Variants in NRG1 observed in about 807,000 individuals in gnomAD.
NRG1 encodes pro-neuregulin-1, membrane-bound isoform.
A neutral mutation model predicts 63.8 loss-of-function variants in NRG1; 18 were observed. That is an observed-to-expected ratio of 0.28 (90% CI 0.19 to 0.42). The LOEUF (loss-of-function observed/expected upper bound fraction) is 0.42. Among genes scored for constraint, NRG1 ranks in the 10% least tolerant of loss-of-function variants. The pLI, the probability that NRG1 is intolerant of heterozygous loss-of-function variation, is 1.00. For missense variants in NRG1, 762 were observed against 814.7 expected, an observed-to-expected ratio of 0.94 and a Z score of 0.79; for synonymous variants, 302 against 301.3, an observed-to-expected ratio of 1.00 and a Z score of -0.02.
At chr8:32,330,807 G>A (rs1225728476) in intron 1 of NRG1, among the ~76,000 whole-genome samples, 1 of 152,308 alleles carries the variant, frequency 6.6e-6, no homozygotes, top group East Asian at 1.9e-4. Flanking sequence ...CATATTCACA[G>A]CGTCGTTTTC....
chr8:32,647,185 C>T (rs563106422), intron 5 of NRG1: 6 of 985,384 alleles, frequency 6.1e-6, no homozygotes, highest in African/African-American at 5.2e-5. Context: ...CAGCCGTCGT[C>T]GCGTTAACAC....
At chr8:32,575,670 GA>G in intron 1 of NRG1, among the ~76,000 whole-genome samples, 1 of 152,322 alleles carries the variant, frequency 6.6e-6, no homozygotes, top group Non-Finnish European at 1.5e-5. Flanking sequence ...TATAAAGTAG[GA>G]AATTTTGAGA....
chr8:31,869,313 G>A (rs988645405), intron 1 of NRG1, among the ~76,000 whole-genome samples: 1 of 152,136 alleles, frequency 6.6e-6, no homozygotes, highest in African/African-American at 2.4e-5. Context: ...TAGACTCACT[G>A]CATAGATCTT....
At chr8:32,055,013 G>A (rs1227217290) in intron 1 of NRG1, among the ~76,000 whole-genome samples, 30 of 150,750 alleles carry the variant, frequency 2.0e-4, no homozygotes, top group Admixed American at 1.7e-3. Flanking sequence ...TCAACCTCCC[G>A]AGTTGCTGGG....
intron 5 of NRG1, among the ~76,000 whole-genome samples, chr8:32,630,012 G>C (rs1244687386): frequency 6.6e-6 from 1 of 152,166 alleles, no homozygotes; most frequent in Non-Finnish European, 1.5e-5. Context: ...TGTAGATGTA[G>C]AGACTGATAC....
chr8:32,575,441 G>A (rs1341686757), intron 1 of NRG1, among the ~76,000 whole-genome samples: 1 of 152,066 alleles, frequency 6.6e-6, no homozygotes, highest in African/African-American at 2.4e-5. Context: ...ATGGGAAAGT[G>A]GGGGTGGGTG....
At chr8:32,489,481 G>T (rs1826290693) in intron 1 of NRG1, among the ~76,000 whole-genome samples, 1 of 152,038 alleles carries the variant, frequency 6.6e-6, no homozygotes, top group Admixed American at 6.6e-5. Context: ...TCACTTGATG[G>T]TGGCCTGACA....
rs1679809934 is a variant in NRG1, at chr8:32,752,115, CAAT to C, written c.692-2252_692-2250del. ...ATCATACAGGGCCTTCATCTCTTGT[CAAT>C]AATACCTACACTCCTATTTCTTCAC... On this transcript the variant is annotated intron_variant, in intron 7 of 11. Transcript: ENST00000356819. Among the ~76,000 whole-genome samples the C allele has an allele frequency of 2.6e-5, 4 of 152,174 alleles. No homozygotes were observed. In the South Asian group the frequency reaches 8.3e-4, roughly 32 times the overall value.
exon 11 of NRG1, chr8:32,760,263 C>A: frequency 6.2e-7 from 1 of 1,614,040 alleles, no homozygotes; most frequent in African/African-American, 1.3e-5. Context: ...TGATGTCATC[C>A]GTAGAAAACA....
intron 1 of NRG1, among the ~76,000 whole-genome samples, chr8:32,566,969 A>G (rs1837565203): frequency 6.6e-6 from 1 of 152,112 alleles, no homozygotes; most frequent in Non-Finnish European, 1.5e-5. Flanking sequence ...CAGCCTCCTG[A>G]GTAGCTGGGA....
intron 10 of NRG1, 98 bp from the exon 11 acceptor site, chr8:32,760,102 G>T (rs1830421515): frequency 1.4e-6 from 2 of 1,407,374 alleles, no homozygotes; most frequent in Non-Finnish European, 2.0e-6. Context: ...TGCATCAGTA[G>T]TTTGAAACAT....
intron 2 of NRG1, among the ~76,000 whole-genome samples, chr8:32,597,499 G>T (rs568789137): frequency 6.6e-6 from 1 of 152,080 alleles, no homozygotes; most frequent in East Asian, 1.9e-4. Context: ...GCAGCAGGTG[G>T]TACTTCAAAG....
At chr8:31,891,471 A>T (rs1254702380) in intron 1 of NRG1, among the ~76,000 whole-genome samples, 1 of 152,206 alleles carries the variant, frequency 6.6e-6, no homozygotes, top group Non-Finnish European at 1.5e-5. Flanking sequence ...GGCTAAAATA[A>T]AAAGATTAGT....
intron 1 of NRG1, among the ~76,000 whole-genome samples, chr8:31,984,888 G>T (rs758015008): frequency 6.6e-6 from 1 of 152,064 alleles, no homozygotes; most frequent in Non-Finnish European, 1.5e-5. Flanking sequence ...TGACTGTTCA[G>T]CAGTGAAATT....
At chr8:32,550,946 A>G (rs1327187604) in intron 1 of NRG1, among the ~76,000 whole-genome samples, 3 of 152,296 alleles carry the variant, frequency 2.0e-5, no homozygotes, top group East Asian at 1.9e-4. Context: ...CCTTCGAAGC[A>G]TCTTGTGCTT....
intron 1 of NRG1, among the ~76,000 whole-genome samples, chr8:31,777,753 A>T (rs1326392157): frequency 1.3e-5 from 2 of 152,156 alleles, no homozygotes; most frequent in Non-Finnish European, 2.9e-5. Context: ...GTGAAACAGG[A>T]AGGAAGACAG....
At chr8:32,530,145 T>C (rs962897011) in intron 1 of NRG1, among the ~76,000 whole-genome samples, 6 of 151,960 alleles carry the variant, frequency 3.9e-5, no homozygotes, top group African/African-American at 1.5e-4. Context: ...TCTCACTCTG[T>C]CGCCCAGGCT....
At chr8:31,659,147 C>T (rs1805716924) in intron 1 of NRG1, among the ~76,000 whole-genome samples, 1 of 152,118 alleles carries the variant, frequency 6.6e-6, no homozygotes, top group Non-Finnish European at 1.5e-5. Context: ...GGAGAAGTTG[C>T]TTGGTCAGAG....
intron 1 of NRG1, among the ~76,000 whole-genome samples, chr8:31,767,296 A>T (rs778917033): frequency 1.3e-5 from 2 of 152,196 alleles, no homozygotes. Flanking sequence ...TTACTTGTTG[A>T]TTAATTTGTT....
Sources: gnomAD v4.1 joint callset for allele counts (sites outside exome capture counted in the v4.1 genomes callset) on GRCh38, gnomAD v4.1.1 for gene constraint, MANE v1.5 for transcripts, NCBI Gene and HGNC (gene_info 2026-07-23, HGNC 2026-07-21) for gene names.